AHCYL2: variants seen among roughly 807,000 people sequenced by gnomAD.
AHCYL2 encodes the protein adenosylhomocysteinase like 2, also known as S-adenosylhomocysteine hydrolase-like protein 2.
In AHCYL2, 28 loss-of-function variants were observed where a neutral mutation model predicts 81.4. The observed-to-expected ratio is 0.34, with a 90% CI of 0.25 to 0.47. The LOEUF is 0.47. Ranked by LOEUF, AHCYL2 falls within the 20% of genes least tolerant of loss-of-function variation. The pLI, the probability that AHCYL2 is intolerant of heterozygous loss-of-function variation, is 1.00. For synonymous variants in AHCYL2, 272 were observed against 290.2 expected, an observed-to-expected ratio of 0.94 and a Z score of 0.64; for missense variants, 551 against 785.1, an observed-to-expected ratio of 0.70 and a Z score of 3.56.
rs541890148 is a variant in AHCYL2, at chr7:129,422,785, G to C, written c.1462-55G>C. On this transcript the variant is annotated intron_variant, in intron 12 of 16. Coordinates refer to ENST00000325006, the MANE Select transcript of AHCYL2 (RefSeq NM_015328.4). ...AAATGGCTCCCTTCAACATCTTTCTGTTCCCACAGTGGGGCTTGCTATGGC... is the reference window on the plus strand; with the variant it reads ...AAATGGCTCCCTTCAACATCTTTCTCTTCCCACAGTGGGGCTTGCTATGGC... 98 of 1,526,852 alleles carry C rather than the reference G, an allele frequency of 6.4e-5. 1 individual carries two copies. The South Asian group carries it at 1.1e-3, about 17-fold the overall frequency. The allele number at this position is 1,526,852 out of a possible 1,614,324, so 94.6% of individuals were successfully genotyped here.
intron 1 of AHCYL2, among the ~76,000 whole-genome samples, chr7:129,268,935 C>A (rs1372305824): frequency 6.6e-6 from 1 of 151,996 alleles, no homozygotes; most frequent in Non-Finnish European, 1.5e-5. Flanking sequence ...AATTTTGGAA[C>A]ATTTTCATCA....
At position 129,225,372 on chromosome 7, in the gene AHCYL2, G is replaced by GCGACGGCGGCGAGGCCCTGGTCAGCCC; in HGVS notation, c.304_330dup (p.Gly102_Gly110dup). The GCGACGGCGGCGAGGCCCTGGTCAGCCC allele has an allele frequency of 5.3e-6, 8 of 1,516,208 alleles. No homozygotes were observed. The highest frequency in any genetic ancestry group is 7.0e-6 in the Non-Finnish European group (8 of 1,138,230). The allele number at this position is 1,516,208 out of a possible 1,614,324, so 93.9% of individuals were successfully genotyped here. A position where few individuals can be genotyped will look rare whatever the true frequency, so the allele number is the denominator to read the frequency against. The stretch of plus-strand genomic sequence containing the variant: ...CCACATCACCAGCACCAGCGGCACC[G>GCGACGGCGGCGAGGCCCTGGTCAGCCC]CGACGGCGGCGAGGCCCTGGTCAGC... On this transcript the variant is annotated inframe_insertion, in exon 1 of 17. Coordinates refer to ENST00000325006, the MANE Select transcript of AHCYL2 (RefSeq NM_015328.4).
In AHCYL2 at chr7:129,426,676, AC is replaced by A. The variant is rs1038313009; in HGVS notation, c.1829+116del. The A allele has an allele frequency of 4.7e-5, 66 of 1,419,054 alleles. No individual in the cohort carries two copies. Among genetic ancestry groups the A allele is most frequent in the Non-Finnish European group, 6.1e-5 (65 of 1,063,196 alleles). 87.9% of individuals were successfully genotyped at this position (1,419,054 alleles called of 1,614,324 possible). ...TGCTTACATGAACTCAGAAAAATGA[AC>A]CCACTTCCCCTCACTGCCACCTTCA... On this transcript the variant is annotated intron_variant, in intron 16 of 16. Coordinates refer to ENST00000325006, the MANE Select transcript of AHCYL2 (RefSeq NM_015328.4). The surrounding 1 kb of genome is among the most constrained non-coding windows in gnomAD (Gnocchi z 4.3).
At chr7:129,424,785 G>A (rs901054856) in intron 13 of AHCYL2, 89 bp from the exon 14 acceptor site, 88 of 1,406,580 alleles carry the variant, frequency 6.3e-5, no homozygotes, top group Middle Eastern at 2.5e-4. Flanking sequence ...GAAGTGTTTG[G>A]AAAATGGTGG....
At chr7:129,370,004 C>T (rs1794304239) in intron 1 of AHCYL2, among the ~76,000 whole-genome samples, 1 of 151,984 alleles carries the variant, frequency 6.6e-6, no homozygotes, top group Non-Finnish European at 1.5e-5. Context: ...TCACTAATAA[C>T]AAGAAGAGGG....
chr7:129,243,796 G>A (rs1794949808), intron 1 of AHCYL2, among the ~76,000 whole-genome samples: 1 of 151,436 alleles, frequency 6.6e-6, no homozygotes, highest in African/African-American at 2.4e-5. Flanking sequence ...AAGCCAGCAT[G>A]GTCAGCCAGG....
At chr7:129,319,679 C>T (rs943387118) in intron 1 of AHCYL2, among the ~76,000 whole-genome samples, 2 of 152,148 alleles carry the variant, frequency 1.3e-5, no homozygotes, top group African/African-American at 2.4e-5. Flanking sequence ...CTTAAACATA[C>T]AATATGAACT....
At chr7:129,383,544 C>T (rs938453815) in intron 2 of AHCYL2, among the ~76,000 whole-genome samples, 1 of 152,158 alleles carries the variant, frequency 6.6e-6, no homozygotes, top group African/African-American at 2.4e-5. Flanking sequence ...CTCAACACTA[C>T]AGCCAAATGT....
intron 1 of AHCYL2, among the ~76,000 whole-genome samples, chr7:129,244,960 A>G (rs1191842775): frequency 1.3e-5 from 2 of 151,770 alleles, no homozygotes; most frequent in Non-Finnish European, 2.9e-5. Flanking sequence ...AAGAGGTAAA[A>G]TTTGCGTAGT....
At chr7:129,310,293 A>G (rs1320054058) in intron 1 of AHCYL2, among the ~76,000 whole-genome samples, 1 of 152,162 alleles carries the variant, frequency 6.6e-6, no homozygotes. Flanking sequence ...TTGGTAATAG[A>G]GCATTTATGG....
In AHCYL2 at chr7:129,368,645, C is replaced by T; in HGVS notation, c.364-10993C>T. The T allele has an allele frequency of 6.8e-7, 1 of 1,462,268 alleles. No individual in the cohort carries two copies. The highest frequency in any genetic ancestry group is 9.6e-7 in the Non-Finnish European group (1 of 1,044,746). The allele number at this position is 1,462,268 out of a possible 1,614,324, so 90.6% of individuals were successfully genotyped here. On this transcript the variant is annotated intron_variant, in intron 1 of 16. Coordinates refer to ENST00000325006, the MANE Select transcript of AHCYL2 (RefSeq NM_015328.4). The surrounding 1 kb of genome is among the most constrained non-coding windows in gnomAD (Gnocchi z 4.4). Reference sequence around the variant, plus strand: ...TGACAAGGATCACCTCTGAGAAGCTCCTACCAAGATCCGTGGTTGGAAAAA... The same window carrying T: ...TGACAAGGATCACCTCTGAGAAGCTTCTACCAAGATCCGTGGTTGGAAAAA...
chr7:129,322,836 T>C (rs888660568), intron 1 of AHCYL2, among the ~76,000 whole-genome samples: 1 of 152,210 alleles, frequency 6.6e-6, no homozygotes, highest in African/African-American at 2.4e-5. Context: ...GCTCAAGTGA[T>C]CCACCTGCTT....
intron 13 of AHCYL2, among the ~76,000 whole-genome samples, chr7:129,424,368 C>G (rs1434143529): frequency 6.6e-6 from 1 of 152,092 alleles, no homozygotes; most frequent in African/African-American, 2.4e-5. Flanking sequence ...CCATGGAACT[C>G]CAGCCTGGGC....
intron 13 of AHCYL2, 80 bp downstream of exon 13, chr7:129,423,018 G>A (rs1345134613): frequency 3.3e-6 from 4 of 1,196,702 alleles, no homozygotes; most frequent in Non-Finnish European, 4.8e-6. Flanking sequence ...TCATGTTCTC[G>A]AATACTTTCA....
intron 1 of AHCYL2, among the ~76,000 whole-genome samples, chr7:129,330,445 A>C (rs1442384487): frequency 6.6e-6 from 1 of 152,158 alleles, no homozygotes; most frequent in African/African-American, 2.4e-5. Context: ...TTGGACATGG[A>C]AAGGTTTCCA....
chr7:129,340,794 C>T (rs1443124266), intron 1 of AHCYL2, among the ~76,000 whole-genome samples: 1 of 151,762 alleles, frequency 6.6e-6, no homozygotes, highest in Non-Finnish European at 1.5e-5. Flanking sequence ...CTCCTTTAAT[C>T]CATTATGGTG....
chr7:129,402,352 G>A lies in AHCYL2; in HGVS notation c.919-1027G>A, dbSNP rs539075370. Reference sequence around the variant, plus strand: ...AGAGCAAAAGCAAAAAAGAGATCAGGTGGTAGACATGAGGTTGGGGATTTT... The same window carrying A: ...AGAGCAAAAGCAAAAAAGAGATCAGATGGTAGACATGAGGTTGGGGATTTT... On this transcript the variant is annotated intron_variant, in intron 6 of 16. Coordinates refer to ENST00000325006, the MANE Select transcript of AHCYL2 (RefSeq NM_015328.4). 3.9e-5 allele frequency among the ~76,000 whole-genome samples: 6 copies of A among 152,290 alleles called. No homozygotes were observed. The East Asian group carries it at 9.6e-4, about 24-fold the overall frequency.
chr7:129,332,302 AAAAT>A (rs1278751602), intron 1 of AHCYL2, among the ~76,000 whole-genome samples: 2 of 152,340 alleles, frequency 1.3e-5, no homozygotes, highest in South Asian at 2.1e-4. Context: ...GTGTATTAAA[AAAAT>A]AAATATTCCT....
intron 1 of AHCYL2, among the ~76,000 whole-genome samples, chr7:129,310,521 G>C (rs1019128478): frequency 6.6e-6 from 1 of 152,144 alleles, no homozygotes; most frequent in Admixed American, 6.5e-5. Flanking sequence ...GGAGAGTGTG[G>C]TATTCCAAAA....
Sources: allele counts gnomAD v4.1 joint callset (sites outside exome capture counted in the v4.1 genomes callset), GRCh38; gene constraint gnomAD v4.1.1; non-coding constraint Gnocchi (gnomAD v3.1); transcripts MANE v1.5; gene names NCBI Gene and HGNC (gene_info 2026-07-23, HGNC 2026-07-21).